The following LPIN2 variants were observed in gnomAD, a reference collection of about 807,000 sequenced individuals.
The protein encoded by LPIN2 is lipin 2.
LPIN2 carries 55 observed loss-of-function variants against 111.4 expected under a neutral mutation model. The observed-to-expected ratio is 0.49, with a 90% CI of 0.40 to 0.62. The LOEUF is 0.62. Ranked by LOEUF, LPIN2 falls within the 20% of genes least tolerant of loss-of-function variation. The pLI, the probability that LPIN2 is intolerant of heterozygous loss-of-function variation, is 0.00. For missense variants in LPIN2, 992 were observed against 1,112.1 expected (o/e 0.89, Z 1.54); for synonymous variants, 425 against 414.0 (o/e 1.03, Z -0.32).
intron 1 of LPIN2, among the ~76,000 whole-genome samples, chr18:2,963,995 A>G (rs1013370109): frequency 2.0e-5 from 3 of 152,014 alleles, no homozygotes; most frequent in South Asian, 2.1e-4. Context: ...TTTAAAGACA[A>G]TTAAGGCTGG....
In LPIN2 at chr18:2,920,500, T is replaced by TG. The variant is rs536789598; in HGVS notation, c.2547-64dup. On this transcript the variant is annotated intron_variant, in intron 19 of 19. Transcript: ENST00000677752. ...TTCAAGATCGGTCAAAGGCACAAGA[T>TG]GGGGGGCTGTGAAGCTGTCACTCAG... The TG allele has an allele frequency of 2.7e-5, 42 of 1,572,472 alleles. No individual in the cohort carries two copies. In the South Asian group the frequency reaches 3.9e-4, roughly 15 times the overall value.
chr18:2,951,132 C>T lies in LPIN2; in HGVS notation c.513G>A (p.Gln171=). 1 of 1,614,226 alleles carries T rather than the reference C, an allele frequency of 6.2e-7. No individual in the cohort carries two copies. Among genetic ancestry groups the T allele is most frequent in the Non-Finnish European group, 8.5e-7 (1 of 1,180,046 alleles). Residue 171 remains glutamine (Q), a synonymous_variant, in exon 4 of 20, where the codon CAG becomes CAA. Coordinates refer to ENST00000677752, the MANE Select transcript of LPIN2 (RefSeq NM_001375808.2). ...KYKQDSKKEE[Q]AASAAAEDTC... is the part of the protein sequence containing the mutation. Reference sequence around the variant, plus strand: ...TGTCTTCTGCAGCAGCAGATGCGGCCTGCTCTTCCTTCTTACTGTCCTGTT... The same window carrying T: ...TGTCTTCTGCAGCAGCAGATGCGGCTTGCTCTTCCTTCTTACTGTCCTGTT...
rs59457524 is a variant in LPIN2, at chr18:2,960,174, ATGTGTGTGTG to A, written c.192+465_192+474del. On this transcript the variant is annotated intron_variant, in intron 2 of 19. Transcript: ENST00000677752. ...AGCAAAGCGAGACTCCGACTCAAAA[ATGTGTGTGTG>A]TGTGTGTGTGTGTGTGTGTGTGTGT... is the stretch of plus-strand genomic sequence containing the variant. Among the ~76,000 whole-genome samples the A allele has an allele frequency of 4.3e-3, 587 of 136,628 alleles. 3 individuals are homozygous for A. The highest frequency in any genetic ancestry group is 0.014 in the African/African-American group (524 of 36,322). 89.6% of individuals were successfully genotyped at this position (136,628 alleles called of 152,430 possible). A position where few individuals can be genotyped will look rare whatever the true frequency, so the allele number is the denominator to read the frequency against.
At position 2,918,239 on chromosome 18, in the gene LPIN2, A is replaced by G. The variant is rs1019049611; in HGVS notation, c.*2054T>C. The G allele has an allele frequency of 1.3e-5, 2 of 152,234 alleles. No homozygotes were observed. The highest frequency in any genetic ancestry group is 2.9e-5 in the Non-Finnish European group (2 of 68,040). 9.4% of individuals were successfully genotyped at this position (152,234 alleles called of 1,614,324 possible). A position where few individuals can be genotyped will look rare whatever the true frequency, so the allele number is the denominator to read the frequency against. ...CGGGTCCTAGACTGAACCCTCTAAG[A>G]AGGCCCATGTGTCCAAAGAGAAGAG... On this transcript the variant is annotated 3_prime_UTR_variant, in exon 20 of 20. Transcript: ENST00000677752.
In LPIN2 at chr18:2,922,162, T is replaced by C; in HGVS notation, c.2212A>G (p.Ile738Val). 6.2e-7 allele frequency: 1 copy of C among 1,613,742 alleles called. No homozygotes were observed. The highest frequency in any genetic ancestry group is 8.5e-7 in the Non-Finnish European group (1 of 1,179,992). The change falls in exon 17 of 20, where the codon ATC (isoleucine) becomes GTC (valine). Residue 738 changes from isoleucine to valine, a missense_variant. Physicochemically the swap from Ile to Val is conservative, Grantham distance 29. Coordinates refer to ENST00000677752, the MANE Select transcript of LPIN2 (RefSeq NM_001375808.2). ...YKFLYCSARA[I>V]GMADMTRGYL... ...CCACGGGTCATGTCGGCCATGCCGA[T>C]GGCACGAGCCGAGCAGTACAGAAAC... is the stretch of plus-strand genomic sequence containing the variant.
chr18:2,996,269 G>A (rs531793758), intron 1 of LPIN2, among the ~76,000 whole-genome samples: 1 of 151,840 alleles, frequency 6.6e-6, no homozygotes, highest in South Asian at 2.1e-4. Context: ...GAACCCGGGA[G>A]TGGGAGGTTG....
At chr18:2,927,861 C>T in intron 11 of LPIN2, 50 bp from the exon 12 acceptor site, 1 of 1,459,612 alleles carries the variant, frequency 6.9e-7, no homozygotes, top group Non-Finnish European at 9.6e-7. Flanking sequence ...GGCCACACAG[C>T]ACCTACCTTC....
At chr18:2,996,669 G>C (rs2078350278) in intron 1 of LPIN2, among the ~76,000 whole-genome samples, 1 of 151,668 alleles carries the variant, frequency 6.6e-6, no homozygotes, top group African/African-American at 2.4e-5. Context: ...AGTAGAGACG[G>C]GGTTTCACCG....
Position 2,920,131 on chromosome 18 carries a change from T to A in LPIN2, c.*162A>T. ...AGCTGAGCTGCAGACCTGCCGAGCC[T>A]GAGCAGCTGGCCTGGGAAGGCAAAG... On this transcript the variant is annotated 3_prime_UTR_variant, in exon 20 of 20. Transcript: ENST00000677752. 5.4e-6 allele frequency: 5 copies of A among 918,014 alleles called. No homozygotes were observed. Among genetic ancestry groups the A allele is most frequent in the Non-Finnish European group, 8.4e-6 (5 of 592,598 alleles). 56.9% of individuals were successfully genotyped at this position (918,014 alleles called of 1,614,324 possible).
intron 1 of LPIN2, among the ~76,000 whole-genome samples, chr18:2,993,860 G>A (rs1021578497): frequency 2.6e-5 from 4 of 152,160 alleles, no homozygotes; most frequent in Non-Finnish European, 5.9e-5. Flanking sequence ...ATGCAAACCA[G>A]CAGCATACAT....
intron 1 of LPIN2, among the ~76,000 whole-genome samples, chr18:2,979,290 A>C (rs947343187): frequency 6.6e-6 from 1 of 152,200 alleles, no homozygotes; most frequent in Non-Finnish European, 1.5e-5. Context: ...CACATCTACA[A>C]AACAGGGCTC....
At chr18:2,959,909 T>C (rs962643524) in intron 2 of LPIN2, among the ~76,000 whole-genome samples, 12 of 151,882 alleles carry the variant, frequency 7.9e-5, no homozygotes, top group African/African-American at 2.9e-4. Context: ...ACACCTGTAA[T>C]CCCAGAACTT....
rs773442071 is a variant in LPIN2 at position 2,951,046 on chromosome 18, G to C, written c.590+9C>G. The C allele has an allele frequency of 6.2e-7, 1 of 1,613,914 alleles. No individual in the cohort carries two copies. The highest frequency in any genetic ancestry group is 8.5e-7 in the Non-Finnish European group (1 of 1,180,020). On this transcript the variant is annotated intron_variant, in intron 4 of 19. Coordinates refer to ENST00000677752, the MANE Select transcript of LPIN2 (RefSeq NM_001375808.2). Reference sequence around the variant, plus strand: ...CCGCACAAGACCCTTCCCAGGCTGAGAGTCCTACCGTGCTGCCTGGGCCCC... The same window carrying C: ...CCGCACAAGACCCTTCCCAGGCTGACAGTCCTACCGTGCTGCCTGGGCCCC...
intron 1 of LPIN2, among the ~76,000 whole-genome samples, chr18:2,965,145 A>AG (rs1406566253): frequency 6.6e-6 from 1 of 152,074 alleles, no homozygotes; most frequent in Non-Finnish European, 1.5e-5. Context: ...AAAAAAGTGA[A>AG]GAAAAAAAAA....
intron 1 of LPIN2, among the ~76,000 whole-genome samples, chr18:3,012,344 T>C (rs1346693817): frequency 6.6e-6 from 1 of 152,176 alleles, no homozygotes; most frequent in South Asian, 2.1e-4. Context: ...GCCTAAAAAA[T>C]GTCATCTTGA....
At chr18:2,996,995 C>T (rs679906) in intron 1 of LPIN2, among the ~76,000 whole-genome samples, 2,156 of 150,960 alleles carry the variant, frequency 0.014, 70 homozygotes, top group African/African-American at 0.05. Flanking sequence ...TTTTCTTTTT[C>T]TTTTGAGACA....
chr18:2,992,073 C>T lies in LPIN2; in HGVS notation c.-10+21014G>A, dbSNP rs1178757250. Among the ~76,000 whole-genome samples the T allele has an allele frequency of 3.3e-5, 5 of 151,726 alleles. No individual in the cohort carries two copies. The South Asian group carries it at 1.0e-3, about 32-fold the overall frequency. On this transcript the variant is annotated intron_variant, in intron 1 of 19. Coordinates refer to ENST00000677752, the MANE Select transcript of LPIN2 (RefSeq NM_001375808.2). ...GAATTGCCATATAATCCAGCAATTTCACTCCCAGGTACATACACAAAAGAA... is the reference window on the plus strand; with the variant it reads ...GAATTGCCATATAATCCAGCAATTTTACTCCCAGGTACATACACAAAAGAA...
At chr18:2,932,310 G>A (rs1287481441) in intron 8 of LPIN2, among the ~76,000 whole-genome samples, 1 of 152,090 alleles carries the variant, frequency 6.6e-6, no homozygotes, top group Admixed American at 6.6e-5. Context: ...GTATTTTTAT[G>A]TGAATTAAAA....
chr18:2,994,479 TA>T (rs1271841480), intron 1 of LPIN2, among the ~76,000 whole-genome samples: 2 of 152,280 alleles, frequency 1.3e-5, no homozygotes, highest in African/African-American at 4.8e-5. Flanking sequence ...TTTATAGCTT[TA>T]AAAAAATTTT....
Sources: gnomAD v4.1 joint callset for allele counts (sites outside exome capture counted in the v4.1 genomes callset) on GRCh38, gnomAD v4.1.1 for gene constraint, MANE v1.5 for transcripts, NCBI Gene and HGNC (gene_info 2026-07-23, HGNC 2026-07-21) for gene names.